The following PALB2 variants were observed in gnomAD, a reference collection of about 807,000 sequenced individuals.
The protein encoded by PALB2 is mutant partner and localizer of BRCA2.
PALB2 carries 82 observed loss-of-function variants against 107.4 expected under a neutral mutation model. That is an observed-to-expected ratio of 0.76 (90% CI 0.64 to 0.92). The LOEUF (loss-of-function observed/expected upper bound fraction) is 0.92, where lower values mean the gene tolerates loss of function less well. Among genes scored for constraint, PALB2 ranks in the 40% least tolerant of loss-of-function variants. The probability of loss-of-function intolerance (pLI) is 0.00; values close to 1 mark genes in which losing one functional copy is unlikely to be tolerated. For missense variants in PALB2, 1,374 were observed against 1,379.9 expected (o/e 1.00, Z 0.07); for synonymous variants, 489 against 496.8 (o/e 0.98, Z 0.21).
intron 11 of PALB2, among the ~76,000 whole-genome samples, chr16:23,610,413 AT>A (rs1441220449): frequency 6.6e-6 from 1 of 151,322 alleles, no homozygotes; most frequent in Non-Finnish European, 1.5e-5. Context: ...GATTCAAGCA[AT>A]TCTCCTTCCT....
chr16:23,628,855 A>T (rs892162380), intron 6 of PALB2, among the ~76,000 whole-genome samples: 1 of 152,122 alleles, frequency 6.6e-6, no homozygotes, highest in African/African-American at 2.4e-5. Context: ...GCTGGCCTCA[A>T]ACATCTGACC....
rs372686500 is a variant in PALB2 at position 23,603,537 on chromosome 16, A to G, written c.3483T>C (p.Phe1161=). The change falls in exon 13 of 13, where the codon TTT becomes TTC. Residue 1161 remains phenylalanine (F), a synonymous_variant. Transcript: ENST00000261584. The part of the protein sequence containing the change: ...LPPVSDQHWS[F]VKWSGTDSHL... ...GAGAGTCTGTACCCGACCATTTCAC[A>G]AAAGACCAATGTTGGTCAGAGACAG... is the stretch of plus-strand genomic sequence containing the variant. 42 of 1,614,098 alleles carry G rather than the reference A, an allele frequency of 2.6e-5. No individual in the cohort carries two copies. Among genetic ancestry groups the G allele is most frequent in the Non-Finnish European group, 3.3e-5 (39 of 1,180,042 alleles).
chr16:23,607,465 A>T lies in PALB2; in HGVS notation c.3350+399T>A, dbSNP rs912667751. 155 of 262,242 alleles carry T rather than the reference A, an allele frequency of 5.9e-4. 1 individual carries two copies. Among genetic ancestry groups the T allele is most frequent in the Non-Finnish European group, 4.4e-4 (58 of 132,700 alleles). The allele number at this position is 262,242 out of a possible 1,614,324, so 16.2% of individuals were successfully genotyped here. Reference sequence around the variant, plus strand: ...CAGCATGTTTGGCTAATATATATATATATTTTTTTTGGTAGAGACTGGGTC... The same window carrying T: ...CAGCATGTTTGGCTAATATATATATTTATTTTTTTTGGTAGAGACTGGGTC... On this transcript the variant is annotated intron_variant, in intron 12 of 12. Transcript: ENST00000261584.
chr16:23,610,238 G>A (rs1021644464), intron 11 of PALB2, among the ~76,000 whole-genome samples: 7 of 151,972 alleles, frequency 4.6e-5, no homozygotes, highest in Middle Eastern at 3.4e-3. Flanking sequence ...AGTATTTGCC[G>A]TCTGGTCATA....
chr16:23,638,183 G>C (rs515726121), intron 1 of PALB2, 54 bp from the exon 2 acceptor site: 3 of 1,448,848 alleles, frequency 2.1e-6, no homozygotes, highest in Non-Finnish European at 2.9e-6. Flanking sequence ...TGGAGTCAGA[G>C]GGAAGGGATG....
At chr16:23,633,426 C>T (rs1228034580) in intron 4 of PALB2, among the ~76,000 whole-genome samples, 2 of 152,176 alleles carry the variant, frequency 1.3e-5, no homozygotes, top group East Asian at 3.8e-4. Flanking sequence ...AACACAAAGA[C>T]TAAAATCTGT....
At chr16:23,608,799 T>TAC (rs1309453906) in intron 11 of PALB2, among the ~76,000 whole-genome samples, 110 of 115,120 alleles carry the variant, frequency 9.6e-4, no homozygotes, top group African/African-American at 3.4e-3. Flanking sequence ...TGTGTATATA[T>TAC]ATACACACAC....
intron 1 of PALB2, chr16:23,638,429 C>T: frequency 2.1e-6 from 1 of 481,594 alleles, no homozygotes; most frequent in South Asian, 2.0e-5. Flanking sequence ...CTAGGTTAGA[C>T]ACTCTACCAG....
At chr16:23,634,765 T>C in intron 4 of PALB2, 97 bp downstream of exon 4, 1 of 1,507,660 alleles carries the variant, frequency 6.6e-7, no homozygotes, top group South Asian at 1.2e-5. Flanking sequence ...CTTGGCCCTG[T>C]CACTTTTTAG....
At chr16:23,620,633 C>T (rs1473807920) in intron 10 of PALB2, among the ~76,000 whole-genome samples, 2 of 152,192 alleles carry the variant, frequency 1.3e-5, no homozygotes, top group Non-Finnish European at 2.9e-5. Context: ...AACTACTCAA[C>T]CACTAACCAA....
rs1555461754 is a variant in PALB2, at chr16:23,636,024, T to C, written c.522A>G (p.Lys174=). The C allele has an allele frequency of 1.2e-6, 2 of 1,614,150 alleles. No homozygotes were observed. The highest frequency in any genetic ancestry group is 1.7e-6 in the Non-Finnish European group (2 of 1,180,024). ...FGTDSLRLSG[K]RLKEQEEISS... is the part of the protein sequence containing the mutation. ...TGATTTCTTCCTGTTCCTTTAGTCT[T>C]TTCCCAGACAATCTGAGTGAATCAG... Residue 174 remains lysine (K), a synonymous_variant, in exon 4 of 13, where the codon AAA becomes AAG. Coordinates refer to ENST00000261584, the MANE Select transcript of PALB2 (RefSeq NM_024675.4).
At chr16:23,636,965 T>G (rs1967078084) in intron 3 of PALB2, among the ~76,000 whole-genome samples, 1 of 152,176 alleles carries the variant, frequency 6.6e-6, no homozygotes, top group Non-Finnish European at 1.5e-5. Flanking sequence ...AAAAAAAACC[T>G]TTCACTGGGC....
At chr16:23,622,455 C>T (rs538442670) in intron 9 of PALB2, among the ~76,000 whole-genome samples, 4 of 151,960 alleles carry the variant, frequency 2.6e-5, no homozygotes, top group Non-Finnish European at 5.9e-5. Context: ...AGTGTGGTGG[C>T]GTGATCACAG....
In PALB2 at chr16:23,634,903, G is replaced by A. The variant is rs1241049372; in HGVS notation, c.1643C>T (p.Ser548Leu). ...TAATTTTTCGTGCTGATATTTGTGT[G>A]AGGTGACTTCTTCCTTGGACCTGTT... The part of the protein sequence containing the change: ...IVNRSKEEVT[S>L]HKYQHEKLFI... Residue 548 changes from serine (S) to leucine (L), a missense_variant, in exon 4 of 13, where the codon TCA (serine) becomes TTA (leucine). Transcript: ENST00000261584. The A allele has an allele frequency of 1.9e-6, 3 of 1,614,136 alleles. No individual in the cohort carries two copies. The highest frequency in any genetic ancestry group is 1.3e-5 in the African/African-American group (1 of 75,042).
chr16:23,604,898 A>G (rs1567205705), intron 12 of PALB2, among the ~76,000 whole-genome samples: 1 of 151,298 alleles, frequency 6.6e-6, no homozygotes, highest in African/African-American at 2.4e-5. Context: ...ACATGGTGAA[A>G]CCCCGTCTCT....
intron 10 of PALB2, among the ~76,000 whole-genome samples, chr16:23,616,894 G>C (rs1016743175): frequency 1.3e-5 from 2 of 151,640 alleles, no homozygotes; most frequent in East Asian, 3.9e-4. Context: ...CTCACTGCAA[G>C]CTCCACCTCC....
rs867634819 is a variant in PALB2, at chr16:23,614,789, T to G, written c.3114-698A>C. Among the ~76,000 whole-genome samples, 836 of 149,268 alleles carry G rather than the reference T, an allele frequency of 5.6e-3. 5 individuals carry two copies. The highest frequency in any genetic ancestry group is 0.019 in the African/African-American group (778 of 40,800). The stretch of plus-strand genomic sequence containing the variant: ...CCTCAGCCTCCCGAGTAGCTGGGAC[T>G]ACAGGCGCCCGCCACTACGCCCGGC... On this transcript the variant is annotated intron_variant, in intron 10 of 12. Transcript: ENST00000261584.
rs1967096537 is a variant in PALB2 at position 23,637,786 on chromosome 16, A to G, written c.211+64T>C. 3 of 1,293,258 alleles carry G rather than the reference A, an allele frequency of 2.3e-6. No homozygotes were observed. Among genetic ancestry groups the G allele is most frequent in the Non-Finnish European group, 3.4e-6 (3 of 888,010 alleles). The allele number at this position is 1,293,258 out of a possible 1,614,324, so 80.1% of individuals were successfully genotyped here. ...ATCTTCACACTGTGGGAAAAAGAAC[A>G]ATAGCCAAAATATACCTGGGAAATG... On this transcript the variant is annotated intron_variant, in intron 3 of 12. Coordinates refer to ENST00000261584, the MANE Select transcript of PALB2 (RefSeq NM_024675.4).
Position 23,640,657 on chromosome 16 carries a change from A to AT in PALB2, c.48+452dup, listed in dbSNP as rs948326465. The AT allele has an allele frequency of 3.9e-4, 96 of 245,712 alleles. 1 individual carries two copies. Among genetic ancestry groups the AT allele is most frequent in the African/African-American group, 2.1e-3 (94 of 45,688 alleles). 15.2% of individuals were successfully genotyped at this position (245,712 alleles called of 1,614,324 possible). On this transcript the variant is annotated intron_variant, in intron 1 of 12. Coordinates refer to ENST00000261584, the MANE Select transcript of PALB2 (RefSeq NM_024675.4). Reference sequence around the variant, plus strand: ...CGGAACCTGCAGAACCATTCAGATCATACCATTTATGAACATTCCCTTCTC... The same window carrying AT: ...CGGAACCTGCAGAACCATTCAGATCATTACCATTTATGAACATTCCCTTCTC...
Sources: allele counts gnomAD v4.1 joint callset (sites outside exome capture counted in the v4.1 genomes callset), GRCh38; gene constraint gnomAD v4.1.1; transcripts MANE v1.5; gene names NCBI Gene and HGNC (gene_info 2026-07-23, HGNC 2026-07-21).